EFR3A: variants seen among roughly 807,000 people sequenced by gnomAD.
EFR3A encodes protein EFR3 homolog A.
EFR3A carries 76 observed loss-of-function variants against 104.4 expected under a neutral mutation model. That is an observed-to-expected ratio of 0.73 (90% CI 0.60 to 0.88). The LOEUF (loss-of-function observed/expected upper bound fraction) is 0.88, where lower values mean the gene tolerates loss of function less well. Ranked by LOEUF, EFR3A falls within the 40% of genes least tolerant of loss-of-function variation. The pLI, the probability that EFR3A is intolerant of heterozygous loss-of-function variation, is 0.00. For synonymous variants in EFR3A, 330 were observed against 330.0 expected, an observed-to-expected ratio of 1.00 and a Z score of 0.00; for missense variants, 985 against 1,012.5, an observed-to-expected ratio of 0.97 and a Z score of 0.37.
chr8:131,964,461 T>A (rs1201467420), intron 8 of EFR3A, among the ~76,000 whole-genome samples: 1 of 151,786 alleles, frequency 6.6e-6, no homozygotes, highest in Non-Finnish European at 1.5e-5. Context: ...ATGAGTGAAC[T>A]CCCATTCACA....
At chr8:131,944,923 G>C (rs1041250615) in intron 3 of EFR3A, 51 bp downstream of exon 3, 2 of 1,579,114 alleles carry the variant, frequency 1.3e-6, no homozygotes, top group Non-Finnish European at 1.7e-6. Context: ...ATTCTTTCTA[G>C]ACTTTTAAAT....
chr8:131,975,924 G>C (rs1820302661), intron 10 of EFR3A, 103 bp from the exon 11 acceptor site: 1 of 659,698 alleles, frequency 1.5e-6, no homozygotes, highest in African/African-American at 1.8e-5. Flanking sequence ...ACTTGTGAGG[G>C]ATTGTTTTAC....
chr8:131,963,930 T>A (rs1586613695), intron 8 of EFR3A, among the ~76,000 whole-genome samples: 1 of 152,212 alleles, frequency 6.6e-6, no homozygotes, highest in East Asian at 1.9e-4. Flanking sequence ...CGCAAATCGA[T>A]AAATGTAATC....
In EFR3A at chr8:131,965,982, G is replaced by A. The variant is rs537058896; in HGVS notation, c.856-2313G>A. On this transcript the variant is annotated intron_variant, in intron 8 of 22. Coordinates refer to ENST00000254624, the MANE Select transcript of EFR3A (RefSeq NM_015137.6). ...AAGGACAAAAAACCAAACACCGCAT[G>A]TTCTCACTCATAGGTGGGAATTGAA... 1.9e-3 allele frequency among the ~76,000 whole-genome samples: 283 copies of A among 152,108 alleles called. 2 individuals carry two copies. The highest frequency in any genetic ancestry group is 6.6e-3 in the African/African-American group (273 of 41,480).
chr8:132,002,716 G>GAA lies in EFR3A; in HGVS notation c.2310+12_2310+13dup. 1.9e-6 allele frequency: 3 copies of GAA among 1,608,248 alleles called. No homozygotes were observed. Among genetic ancestry groups the GAA allele is most frequent in the Non-Finnish European group, 2.6e-6 (3 of 1,175,104 alleles). ...ACAGTGTGAATCCAAAGTAAGTGAA[G>GAA]AAACGGTGAAGGGCTTGTGGGTGGA... On this transcript the variant is annotated intron_variant, in intron 21 of 22. Transcript: ENST00000254624.
At chr8:131,955,122 T>TA (rs1443260919) in intron 6 of EFR3A, among the ~76,000 whole-genome samples, 2 of 152,168 alleles carry the variant, frequency 1.3e-5, no homozygotes, top group Non-Finnish European at 2.9e-5. Flanking sequence ...TTTCCATAAT[T>TA]ACGGCTCTTG....
chr8:131,950,024 A>G lies in EFR3A; in HGVS notation c.422A>G (p.Asp141Gly). Residue 141 changes from aspartate to glycine, a missense_variant, in exon 5 of 23, where the codon GAC (aspartate) becomes GGC (glycine). Coordinates refer to ENST00000254624, the MANE Select transcript of EFR3A (RefSeq NM_015137.6). ...EDTPSYHRRYDFFVSRFSAMC... is the reference protein window; with the variant it reads ...EDTPSYHRRYGFFVSRFSAMC... ...ACACCATCCTATCACAGACGTTATGACTTTTTTGTGTCTCGATTCAGTGCC... is the reference window on the plus strand; with the variant it reads ...ACACCATCCTATCACAGACGTTATGGCTTTTTTGTGTCTCGATTCAGTGCC... 1 of 1,608,444 alleles carries G rather than the reference A, an allele frequency of 6.2e-7. No individual in the cohort carries two copies. Among genetic ancestry groups the G allele is most frequent in the Non-Finnish European group, 8.5e-7 (1 of 1,177,870 alleles).
intron 7 of EFR3A, among the ~76,000 whole-genome samples, chr8:131,958,270 A>G (rs1819125144): frequency 6.6e-6 from 1 of 152,154 alleles, no homozygotes; most frequent in African/African-American, 2.4e-5. Flanking sequence ...TTAAAGATTT[A>G]TTTTATATCT....
At chr8:131,937,081 G>C (rs1451347700) in intron 1 of EFR3A, among the ~76,000 whole-genome samples, 2 of 152,162 alleles carry the variant, frequency 1.3e-5, no homozygotes, top group Admixed American at 6.5e-5. Context: ...CCAGCCATCA[G>C]TCAACTTATT....
At chr8:131,993,008 T>G (rs1821275913) in intron 18 of EFR3A, among the ~76,000 whole-genome samples, 1 of 152,066 alleles carries the variant, frequency 6.6e-6, no homozygotes, top group South Asian at 2.1e-4. Context: ...AAGGGTGACT[T>G]TTGCAATCTT....
chr8:131,925,743 G>A (rs1333753695), intron 1 of EFR3A, among the ~76,000 whole-genome samples: 3 of 152,154 alleles, frequency 2.0e-5, no homozygotes, highest in African/African-American at 4.8e-5. Flanking sequence ...TATAGTGAGT[G>A]CTTTTAGGTA....
At chr8:131,939,174 A>G (rs904645138) in intron 1 of EFR3A, among the ~76,000 whole-genome samples, 2 of 152,112 alleles carry the variant, frequency 1.3e-5, no homozygotes, top group African/African-American at 4.8e-5. Flanking sequence ...CTTTATATAC[A>G]ATTTTATTTA....
chr8:131,945,203 C>T (rs952990817), intron 3 of EFR3A, among the ~76,000 whole-genome samples: 1 of 151,746 alleles, frequency 6.6e-6, no homozygotes, highest in African/African-American at 2.4e-5. Flanking sequence ...AAAAATCAGT[C>T]TCTAAATTGA....
At chr8:131,915,706 C>G (rs1482238294) in intron 1 of EFR3A, among the ~76,000 whole-genome samples, 1 of 152,068 alleles carries the variant, frequency 6.6e-6, no homozygotes, top group Non-Finnish European at 1.5e-5. Flanking sequence ...ACTACAGATA[C>G]AGTGGTCAAA....
At position 131,978,755 on chromosome 8, in the gene EFR3A, T is replaced by C. The variant is rs1820442165; in HGVS notation, c.1327-92T>C. 5 of 1,011,890 alleles carry C rather than the reference T, an allele frequency of 4.9e-6. No homozygotes were observed. The South Asian group carries it at 1.3e-4, about 26-fold the overall frequency. 62.7% of individuals were successfully genotyped at this position (1,011,890 alleles called of 1,614,324 possible). A position where few individuals can be genotyped will look rare whatever the true frequency, so the allele number is the denominator to read the frequency against. On this transcript the variant is annotated intron_variant, in intron 12 of 22. Transcript: ENST00000254624. ...TCCAGGCTTCTGTCCATATTTTCTT[T>C]CCTAAGTTTATGGTTCTTATAAAAG... is the stretch of plus-strand genomic sequence containing the variant.
At chr8:131,909,143 C>G (rs571479582) in intron 1 of EFR3A, among the ~76,000 whole-genome samples, 2 of 152,238 alleles carry the variant, frequency 1.3e-5, no homozygotes, top group Admixed American at 1.3e-4. Flanking sequence ...CTTGCTCCCC[C>G]ACATGCTTCT....
chr8:131,976,221 TG>T (rs1165731375), intron 11 of EFR3A, 80 bp downstream of exon 11: 3 of 966,954 alleles, frequency 3.1e-6, no homozygotes, highest in Non-Finnish European at 4.7e-6. Context: ...GTTAACGTTT[TG>T]TTTTTTTTTA....
chr8:132,010,673 T>C (rs748470809), intron 22 of EFR3A, 117 bp from the exon 23 acceptor site: 25 of 1,240,006 alleles, frequency 2.0e-5, no homozygotes, highest in Non-Finnish European at 2.6e-5. Flanking sequence ...TACAATGGCA[T>C]TGATCACTGC....
intron 14 of EFR3A, among the ~76,000 whole-genome samples, chr8:131,980,020 A>G (rs924638197): frequency 6.6e-6 from 1 of 152,124 alleles, no homozygotes; most frequent in Non-Finnish European, 1.5e-5. Flanking sequence ...TATTCGTCCA[A>G]AGCTTGGGCA....
Sources: gnomAD v4.1 joint callset for allele counts (sites outside exome capture counted in the v4.1 genomes callset) on GRCh38, gnomAD v4.1.1 for gene constraint, MANE v1.5 for transcripts, NCBI Gene and HGNC (gene_info 2026-07-23, HGNC 2026-07-21) for gene names.